PPM1D: variants seen among roughly 807,000 people sequenced by gnomAD.
PPM1D encodes the protein protein phosphatase, Mg2+/Mn2+ dependent 1D, also known as protein phosphatase 1D.
A neutral mutation model predicts 58.3 loss-of-function variants in PPM1D; 52 were observed. The observed-to-expected ratio is 0.89, with a 90% CI of 0.71 to 1.12. The LOEUF is 1.12. Ranked by LOEUF, PPM1D falls within the 50% of genes most tolerant of loss-of-function variation. The pLI is 0.00. For synonymous variants in PPM1D, 278 were observed against 285.1 expected (o/e 0.98, Z 0.25); for missense variants, 564 against 777.2 (o/e 0.73, Z 3.26).
chr17:60,652,235 A>T (rs2031355982), intron 4 of PPM1D, among the ~76,000 whole-genome samples: 2 of 152,002 alleles, frequency 1.3e-5, no homozygotes, highest in African/African-American at 4.8e-5. Context: ...TATGAGTGAG[A>T]TCATGTCTTT....
chr17:60,609,968 T>TCAGGAGATCAAGAC (rs985935012), intron 1 of PPM1D, among the ~76,000 whole-genome samples: 10 of 152,032 alleles, frequency 6.6e-5, no homozygotes, highest in Admixed American at 6.6e-4. Context: ...GATCATGAGG[T>TCAGGAGATCAAGAC]CAGGAGATCA....
rs1015661960 is a variant in PPM1D, at chr17:60,666,182, A to G, written c.*2630A>G. On this transcript the variant is annotated 3_prime_UTR_variant, in exon 6 of 6. Coordinates refer to ENST00000305921, the MANE Select transcript of PPM1D (RefSeq NM_003620.4). ...TATGTTTTGGTAATAGCATTAATGA[A>G]CAATGTTATTTTCATCTTCCAGACA... 1 of 152,176 alleles carries G rather than the reference A, an allele frequency of 6.6e-6. No individual in the cohort carries two copies. Among genetic ancestry groups the G allele is most frequent in the Non-Finnish European group, 1.5e-5 (1 of 68,032 alleles). The allele number at this position is 152,176 out of a possible 1,614,324, so 9.4% of individuals were successfully genotyped here.
intron 1 of PPM1D, among the ~76,000 whole-genome samples, 171 bp downstream of exon 1, chr17:60,601,057 A>G (rs536615012): frequency 6.6e-6 from 1 of 152,232 alleles, no homozygotes; most frequent in Admixed American, 6.5e-5. Flanking sequence ...GGGCAAACCA[A>G]GCGGCCTTGG....
intron 4 of PPM1D, among the ~76,000 whole-genome samples, chr17:60,655,086 T>C (rs1241783772): frequency 6.6e-6 from 1 of 152,204 alleles, no homozygotes; most frequent in Admixed American, 6.5e-5. Flanking sequence ...ATTTGTTCTT[T>C]ATACTATAAG....
chr17:60,632,876 AT>A (rs753645288), intron 2 of PPM1D, among the ~76,000 whole-genome samples: 14 of 152,092 alleles, frequency 9.2e-5, no homozygotes, highest in Admixed American at 3.3e-4. Context: ...CTGAGGCAGA[AT>A]AATCGCTTGA....
intron 5 of PPM1D, among the ~76,000 whole-genome samples, chr17:60,657,889 G>A (rs1004766023): frequency 6.6e-6 from 1 of 152,034 alleles, no homozygotes; most frequent in Non-Finnish European, 1.5e-5. Context: ...ACAGGTGCCC[G>A]CCACTACGCC....
chr17:60,622,942 C>G (rs2030735534), intron 1 of PPM1D, among the ~76,000 whole-genome samples: 1 of 152,060 alleles, frequency 6.6e-6, no homozygotes, highest in Non-Finnish European at 1.5e-5. Context: ...ACTAAAAATA[C>G]AAAAATTAGC....
chr17:60,655,387 C>T (rs2031418331), intron 4 of PPM1D, among the ~76,000 whole-genome samples: 1 of 152,206 alleles, frequency 6.6e-6, no homozygotes. Flanking sequence ...CTCGCTCTGT[C>T]GCCCAGGCGG....
chr17:60,607,910 A>C (rs1041648307), intron 1 of PPM1D, among the ~76,000 whole-genome samples: 1 of 152,260 alleles, frequency 6.6e-6, no homozygotes, highest in African/African-American at 2.4e-5. Flanking sequence ...ATCGTGAAGA[A>C]GTTAATCTTA....
At chr17:60,640,423 T>C (rs146753434) in intron 3 of PPM1D, among the ~76,000 whole-genome samples, 1 of 152,354 alleles carries the variant, frequency 6.6e-6, no homozygotes, top group African/African-American at 2.4e-5. Context: ...ATGCTTAGCA[T>C]ACACGTAACT....
chr17:60,600,718 G>A lies in PPM1D; in HGVS notation c.304G>A (p.Ala102Thr). Residue 102 changes from alanine (A) to threonine (T), a missense_variant, in exon 1 of 6, where the codon GCC (alanine) becomes ACC (threonine). By Grantham distance (58) the Ala-to-Thr change is moderately conservative. This residue lies in a region of PPM1D where 132 missense variants were observed against 150.4 expected (regional missense o/e 0.88). Transcript: ENST00000305921. ...CRRRSSVAFFAVCDGHGGREA... is the reference protein window; with the variant it reads ...CRRRSSVAFFTVCDGHGGREA... Reference sequence around the variant, plus strand: ...CCGCCGTTCCTCCGTGGCCTTTTTCGCCGTGTGCGACGGGCACGGCGGGCG... The same window carrying A: ...CCGCCGTTCCTCCGTGGCCTTTTTCACCGTGTGCGACGGGCACGGCGGGCG... The A allele has an allele frequency of 1.9e-6, 3 of 1,607,740 alleles. No individual in the cohort carries two copies. Among genetic ancestry groups the A allele is most frequent in the Non-Finnish European group, 1.7e-6 (2 of 1,178,084 alleles).
intron 1 of PPM1D, among the ~76,000 whole-genome samples, chr17:60,618,492 T>C (rs1398353348): frequency 6.6e-6 from 1 of 152,244 alleles, no homozygotes; most frequent in Admixed American, 6.5e-5. Flanking sequence ...GTCTTGTAGT[T>C]ATGCAGCACT....
rs2031550829 is a variant in PPM1D at position 60,662,979 on chromosome 17, C to T, written c.1261-16C>T. ...GATAAATTTTTTCTTATTTGTTTTACCTTCTTATTTTTCAGTCACTGGAGG... is the reference window on the plus strand; with the variant it reads ...GATAAATTTTTTCTTATTTGTTTTATCTTCTTATTTTTCAGTCACTGGAGG... On this transcript the variant is annotated splice_polypyrimidine_tract_variant and intron_variant, in intron 5 of 5. Transcript: ENST00000305921. 3 of 1,576,696 alleles carry T rather than the reference C, an allele frequency of 1.9e-6. No homozygotes were observed. Among genetic ancestry groups the T allele is most frequent in the Non-Finnish European group, 2.6e-6 (3 of 1,161,700 alleles).
Position 60,608,690 on chromosome 17 carries a change from A to T in PPM1D, c.472+7804A>T, listed in dbSNP as rs181438697. Among the ~76,000 whole-genome samples the T allele has an allele frequency of 5.9e-5, 9 of 152,198 alleles. No homozygotes were observed. The East Asian group carries it at 1.7e-3, about 29-fold the overall frequency. ...TCTTTTTCACTCCCCATGAGGGGCA[A>T]CTGCTTCTATATTCAGTGTTTATCA... is the stretch of plus-strand genomic sequence containing the variant. On this transcript the variant is annotated intron_variant, in intron 1 of 5. Coordinates refer to ENST00000305921, the MANE Select transcript of PPM1D (RefSeq NM_003620.4).
intron 2 of PPM1D, among the ~76,000 whole-genome samples, chr17:60,625,152 A>AAAAAT: frequency 6.6e-6 from 1 of 152,300 alleles, no homozygotes; most frequent in Non-Finnish European, 1.5e-5. Context: ...TTAAAAAAAT[A>AAAAAT]AAAATAAAAT....
chr17:60,642,576 A>G (rs946777029), intron 3 of PPM1D, among the ~76,000 whole-genome samples: 1 of 151,852 alleles, frequency 6.6e-6, no homozygotes, highest in African/African-American at 2.4e-5. Context: ...CTCCTGCCCG[A>G]GCCTCTCGAG....
At chr17:60,644,009 C>T (rs2031189639) in intron 3 of PPM1D, among the ~76,000 whole-genome samples, 3 of 151,236 alleles carry the variant, frequency 2.0e-5, no homozygotes, top group East Asian at 1.9e-4. Context: ...CTCAGCCTCC[C>T]GAGTAGCTGG....
intron 2 of PPM1D, among the ~76,000 whole-genome samples, chr17:60,627,796 C>T (rs1164387947): frequency 6.6e-6 from 1 of 152,000 alleles, no homozygotes; most frequent in Non-Finnish European, 1.5e-5. Flanking sequence ...ATGATAGTTT[C>T]TTAAGGTATC....
At chr17:60,609,007 A>T (rs1402173864) in intron 1 of PPM1D, among the ~76,000 whole-genome samples, 1 of 151,702 alleles carries the variant, frequency 6.6e-6, no homozygotes, top group Non-Finnish European at 1.5e-5. Context: ...TCGGCCTCCC[A>T]AAGTGCTGGG....
Sources: gnomAD v4.1 joint callset for allele counts (sites outside exome capture counted in the v4.1 genomes callset) on GRCh38, gnomAD v4.1.1 for gene constraint, gnomAD v4.1.1 regional missense constraint, MANE v1.5 for transcripts, NCBI Gene and HGNC (gene_info 2026-07-23, HGNC 2026-07-21) for gene names.